The following AJAP1 variants were observed in gnomAD, a reference collection of about 807,000 sequenced individuals.
The protein encoded by AJAP1 is adherens junctions associated protein 1.
AJAP1 carries 5 observed loss-of-function variants against 35.0 expected under a neutral mutation model. The observed-to-expected ratio is 0.14, with a 90% CI of 0.07 to 0.30. AJAP1 has a LOEUF of 0.30. Among genes scored for constraint, AJAP1 ranks in the 10% least tolerant of loss-of-function variants. The probability of loss-of-function intolerance (pLI) is 1.00; values close to 1 mark genes in which losing one functional copy is unlikely to be tolerated. For synonymous variants in AJAP1, 284 were observed against 249.3 expected, an observed-to-expected ratio of 1.14 and a Z score of -1.31; for missense variants, 586 against 571.0, an observed-to-expected ratio of 1.03 and a Z score of -0.27.
Position 4,718,490 on chromosome 1 carries a change from CT to C in AJAP1, c.829+5805del, listed in dbSNP as rs572430674. On this transcript the variant is annotated intron_variant, in intron 2 of 5. Coordinates refer to ENST00000378191, the MANE Select transcript of AJAP1 (RefSeq NM_018836.4). ...CAGCCTAAGGCATTTTCTTTCTTTC[CT>C]TTTTTTTTTTTTTAGATGGAGTCTC... Among the ~76,000 whole-genome samples the C allele has an allele frequency of 5.9e-3, 839 of 141,588 alleles. 1 individual carries two copies. The highest frequency in any genetic ancestry group is 7.2e-3 in the Middle Eastern group (2 of 278). The allele number at this position is 141,588 out of a possible 152,430, so 92.9% of individuals were successfully genotyped here. A position where few individuals can be genotyped will look rare whatever the true frequency, so the allele number is the denominator to read the frequency against.
intron 2 of AJAP1, among the ~76,000 whole-genome samples, chr1:4,721,069 G>A (rs994775111): frequency 6.6e-6 from 1 of 152,212 alleles, no homozygotes; most frequent in Non-Finnish European, 1.5e-5. Context: ...GCACTTTACA[G>A]TTGCACACGC....
chr1:4,789,190 A>G lies in AJAP1; in HGVS notation c.*6705A>G, dbSNP rs1013971320. 3.3e-5 allele frequency: 5 copies of G among 152,236 alleles called. No individual in the cohort carries two copies. Among genetic ancestry groups the G allele is most frequent in the Non-Finnish European group, 4.4e-5 (3 of 68,048 alleles). The allele number at this position is 152,236 out of a possible 1,614,324, so 9.4% of individuals were successfully genotyped here. A position where few individuals can be genotyped will look rare whatever the true frequency, so the allele number is the denominator to read the frequency against. ...TGAGTAGCGGGGGAAGGGAACAGTG[A>G]CTGTATAAATGGCCATATAAATGAC... is the stretch of plus-strand genomic sequence containing the variant. On this transcript the variant is annotated 3_prime_UTR_variant, in exon 6 of 6. Transcript: ENST00000378191. This position sits in a 1 kb window ranked among gnomAD's most constrained non-coding sequence, Gnocchi z 4.4.
chr1:4,661,279 A>G (rs1638993447), intron 1 of AJAP1, among the ~76,000 whole-genome samples: 1 of 152,226 alleles, frequency 6.6e-6, no homozygotes, highest in Non-Finnish European at 1.5e-5. Flanking sequence ...GCTGGAACTA[A>G]TACTGTAATA....
chr1:4,699,734 C>G (rs1288778410), intron 1 of AJAP1, among the ~76,000 whole-genome samples: 1 of 152,180 alleles, frequency 6.6e-6, no homozygotes, highest in Non-Finnish European at 1.5e-5. Context: ...CTGAGCCCCA[C>G]CTTCTTTGAG....
At chr1:4,762,820 C>T (rs113146065) in intron 2 of AJAP1, among the ~76,000 whole-genome samples, 5,020 of 152,198 alleles carry the variant, frequency 0.033, 124 homozygotes, top group Middle Eastern at 0.1. Context: ...TATTTGTGCC[C>T]ACTTCATGGT....
intron 2 of AJAP1, among the ~76,000 whole-genome samples, chr1:4,715,265 C>T (rs1386148554): frequency 6.6e-6 from 1 of 152,216 alleles, no homozygotes; most frequent in African/African-American, 2.4e-5. Flanking sequence ...TGAATTGCTG[C>T]AGTTAGTTAG....
chr1:4,745,466 A>G (rs374821290), intron 2 of AJAP1, among the ~76,000 whole-genome samples: 2 of 152,076 alleles, frequency 1.3e-5, no homozygotes, highest in South Asian at 2.1e-4. Flanking sequence ...GGCTCTGATG[A>G]GGAAAGGATA....
At chr1:4,663,064 TG>T (rs1639038707) in intron 1 of AJAP1, among the ~76,000 whole-genome samples, 2 of 152,102 alleles carry the variant, frequency 1.3e-5, no homozygotes. Flanking sequence ...AGGGGGGCAG[TG>T]GGGCCAGTTT....
At position 4,738,143 on chromosome 1, in the gene AJAP1, G is replaced by C. The variant is rs556142308; in HGVS notation, c.829+25444G>C. 1.8e-4 allele frequency among the ~76,000 whole-genome samples: 27 copies of C among 152,300 alleles called. No homozygotes were observed. The Middle Eastern group carries it at 0.01, about 58-fold the overall frequency. On this transcript the variant is annotated intron_variant, in intron 2 of 5. Coordinates refer to ENST00000378191, the MANE Select transcript of AJAP1 (RefSeq NM_018836.4). ...TGCTAATGTTTCAGAAGAGTAATGG[G>C]ACCCAAAGCCCAGGCGTCCTTCAAG...
At chr1:4,773,164 A>G (rs1402752031) in intron 4 of AJAP1, among the ~76,000 whole-genome samples, 3 of 152,186 alleles carry the variant, frequency 2.0e-5, no homozygotes, top group Non-Finnish European at 2.9e-5. Flanking sequence ...GCATACATTT[A>G]TGCATCATGT....
At chr1:4,749,524 G>A (rs942950733) in intron 2 of AJAP1, among the ~76,000 whole-genome samples, 6 of 152,172 alleles carry the variant, frequency 3.9e-5, no homozygotes, top group African/African-American at 1.2e-4. Flanking sequence ...GCCGGCTTCC[G>A]GAGGATGGGC....
At chr1:4,742,733 G>T (rs1641098307) in intron 2 of AJAP1, among the ~76,000 whole-genome samples, 1 of 152,126 alleles carries the variant, frequency 6.6e-6, no homozygotes. Context: ...GAAAAATGTG[G>T]GTTGGCTTCA....
chr1:4,682,053 G>A (rs1272086370), intron 1 of AJAP1, among the ~76,000 whole-genome samples: 1 of 152,212 alleles, frequency 6.6e-6, no homozygotes, highest in Non-Finnish European at 1.5e-5. Context: ...TGCCAGGGCT[G>A]GGATCACTGT....
Position 4,693,134 on chromosome 1 carries a change from A to G in AJAP1, c.30-18766A>G, listed in dbSNP as rs1639781394. Reference sequence around the variant, plus strand: ...GGTTGACAGGGCTGGATTTTCTCCCAGTTTATGGGGAGAAACCGAGGAAAC... The same window carrying G: ...GGTTGACAGGGCTGGATTTTCTCCCGGTTTATGGGGAGAAACCGAGGAAAC... On this transcript the variant is annotated intron_variant, in intron 1 of 5. Transcript: ENST00000378191. This position sits in a 1 kb window ranked among gnomAD's most constrained non-coding sequence, Gnocchi z 4.4. Among the ~76,000 whole-genome samples, 1 of 151,992 alleles carries G rather than the reference A, an allele frequency of 6.6e-6. No individual in the cohort carries two copies. The highest frequency in any genetic ancestry group is 1.5e-5 in the Non-Finnish European group (1 of 67,990).
At chr1:4,748,807 A>C (rs573014182) in intron 2 of AJAP1, among the ~76,000 whole-genome samples, 22 of 151,272 alleles carry the variant, frequency 1.5e-4, no homozygotes, top group African/African-American at 5.3e-4. Flanking sequence ...AAAGAGGATG[A>C]CAGGGCACCC....
At chr1:4,767,204 T>A (rs1189421474) in intron 2 of AJAP1, among the ~76,000 whole-genome samples, 1 of 152,162 alleles carries the variant, frequency 6.6e-6, no homozygotes, top group Non-Finnish European at 1.5e-5. Flanking sequence ...GCAGCTAAGA[T>A]CACATTATCA....
Position 4,745,992 on chromosome 1 carries a change from A to G in AJAP1, c.830-23861A>G, listed in dbSNP as rs113321916. Among the ~76,000 whole-genome samples, 390 of 152,322 alleles carry G rather than the reference A, an allele frequency of 2.6e-3. 3 individuals carry two copies. Among genetic ancestry groups the G allele is most frequent in the African/African-American group, 8.5e-3 (355 of 41,572 alleles). On this transcript the variant is annotated intron_variant, in intron 2 of 5. Coordinates refer to ENST00000378191, the MANE Select transcript of AJAP1 (RefSeq NM_018836.4). Reference sequence around the variant, plus strand: ...AAATGAAAACAGTGAAGCCAATGGCATTGGTTTCCCGTGGCTGCTGTAACC... The same window carrying G: ...AAATGAAAACAGTGAAGCCAATGGCGTTGGTTTCCCGTGGCTGCTGTAACC...
At chr1:4,769,764 T>TG in intron 2 of AJAP1, 89 bp from the exon 3 acceptor site, 1 of 1,115,966 alleles carries the variant, frequency 9.0e-7, no homozygotes, top group Non-Finnish European at 1.4e-6. Context: ...CCAGCTGGGT[T>TG]GGGGGGATGC....
At chr1:4,727,101 G>A (rs965954722) in intron 2 of AJAP1, among the ~76,000 whole-genome samples, 11 of 152,352 alleles carry the variant, frequency 7.2e-5, no homozygotes, top group African/African-American at 1.7e-4. Context: ...CTGTTCCGCC[G>A]TGAGTCATCA....
Sources: gnomAD v4.1 joint callset for allele counts (sites outside exome capture counted in the v4.1 genomes callset) on GRCh38, gnomAD v4.1.1 for gene constraint, Gnocchi (gnomAD v3.1) non-coding constraint, MANE v1.5 for transcripts, NCBI Gene and HGNC (gene_info 2026-07-23, HGNC 2026-07-21) for gene names.